HS3ST4: variants seen among roughly 807,000 people sequenced by gnomAD.
HS3ST4 encodes the protein heparan sulfate glucosamine 3-O-sulfotransferase 4.
HS3ST4 carries 17 observed loss-of-function variants against 29.2 expected under a neutral mutation model. The ratio of observed to expected loss-of-function variants is 0.58; its 90% CI spans 0.40 to 0.87. The LOEUF (loss-of-function observed/expected upper bound fraction) is 0.87. Ranked by LOEUF, HS3ST4 falls within the 40% of genes least tolerant of loss-of-function variation. The probability of loss-of-function intolerance (pLI) is 0.00; values close to 1 mark genes in which losing one functional copy is unlikely to be tolerated. For missense variants in HS3ST4, 627 were observed against 634.5 expected, an observed-to-expected ratio of 0.99 and a Z score of 0.13; for synonymous variants, 314 against 285.7, an observed-to-expected ratio of 1.10 and a Z score of -1.00.
At chr16:26,094,246 T>A (rs1165723445) in intron 1 of HS3ST4, among the ~76,000 whole-genome samples, 2 of 152,058 alleles carry the variant, frequency 1.3e-5, no homozygotes, top group African/African-American at 4.8e-5. Flanking sequence ...AACATTCAAA[T>A]TCAGGAAATG....
intron 1 of HS3ST4, among the ~76,000 whole-genome samples, chr16:26,045,681 C>T (rs762714031): frequency 1.3e-5 from 2 of 152,120 alleles, no homozygotes; most frequent in South Asian, 2.1e-4. Flanking sequence ...TTTTTTGGTA[C>T]ATCCGACACC....
intron 1 of HS3ST4, among the ~76,000 whole-genome samples, chr16:25,855,058 G>A (rs1013659118): frequency 1.3e-5 from 2 of 152,136 alleles, no homozygotes; most frequent in African/African-American, 4.8e-5. Context: ...AGTCTGGGAA[G>A]GTGGGATCTC....
At chr16:26,120,667 T>C (rs1489524430) in intron 1 of HS3ST4, among the ~76,000 whole-genome samples, 1 of 152,248 alleles carries the variant, frequency 6.6e-6, no homozygotes, top group Non-Finnish European at 1.5e-5. Context: ...CCATGTTGAC[T>C]GACGTGTTTT....
At chr16:26,113,251 C>T (rs1449381108) in intron 1 of HS3ST4, among the ~76,000 whole-genome samples, 6 of 151,970 alleles carry the variant, frequency 3.9e-5, no homozygotes, top group African/African-American at 1.5e-4. Flanking sequence ...TCAAGACCAG[C>T]CTGGCCAACA....
At chr16:25,852,037 TA>T (rs972578911) in intron 1 of HS3ST4, among the ~76,000 whole-genome samples, 4 of 152,100 alleles carry the variant, frequency 2.6e-5, no homozygotes, top group Non-Finnish European at 5.9e-5. Context: ...AGGTGACATA[TA>T]GAGGAAGTAA....
chr16:25,723,826 G>A (rs1966512494), intron 1 of HS3ST4, among the ~76,000 whole-genome samples: 1 of 152,076 alleles, frequency 6.6e-6, no homozygotes, highest in Non-Finnish European at 1.5e-5. Flanking sequence ...AAATCTACCA[G>A]CTGCTGGCTG....
At chr16:25,830,719 C>CTTTTTTT (rs749231059) in intron 1 of HS3ST4, among the ~76,000 whole-genome samples, 1 of 145,474 alleles carries the variant, frequency 6.9e-6, no homozygotes, top group African/African-American at 2.5e-5. Context: ...CAATCCATGT[C>CTTTTTTT]TTTTTTTTTT....
chr16:26,123,401 G>T (rs1899302202), intron 1 of HS3ST4, among the ~76,000 whole-genome samples: 2 of 152,104 alleles, frequency 1.3e-5, no homozygotes, highest in Non-Finnish European at 2.9e-5. Context: ...AGGCATTTGT[G>T]GGCTCTGGAA....
At chr16:26,075,018 C>A (rs573085325) in intron 1 of HS3ST4, among the ~76,000 whole-genome samples, 1 of 152,142 alleles carries the variant, frequency 6.6e-6, no homozygotes, top group South Asian at 2.1e-4. Flanking sequence ...CATGGTGAAA[C>A]CCTGTCTCTA....
At chr16:25,846,512 C>T (rs1967467328) in intron 1 of HS3ST4, among the ~76,000 whole-genome samples, 1 of 149,920 alleles carries the variant, frequency 6.7e-6, no homozygotes. Flanking sequence ...CCAGCCTGGG[C>T]AACAATGTGA....
chr16:25,768,880 C>T (rs1966837591), intron 1 of HS3ST4, among the ~76,000 whole-genome samples: 1 of 152,124 alleles, frequency 6.6e-6, no homozygotes, highest in African/African-American at 2.4e-5. Flanking sequence ...TCCCACTCAG[C>T]TGCATTGCAC....
At position 26,011,676 on chromosome 16, in the gene HS3ST4, T is replaced by TTGTG. The variant is rs375796518; in HGVS notation, c.735-123911_735-123908dup. On this transcript the variant is annotated intron_variant, in intron 1 of 1. Coordinates refer to ENST00000331351, the MANE Select transcript of HS3ST4 (RefSeq NM_006040.3). ...TGACAATGTCATAACAGGTATATGT[T>TTGTG]TGTGTGTGTGTGTGTGTGTGTGTGT... 3.5e-3 allele frequency among the ~76,000 whole-genome samples: 470 copies of TTGTG among 133,410 alleles called. 5 individuals carry two copies. Among genetic ancestry groups the TTGTG allele is most frequent in the Admixed American group, 5.0e-3 (67 of 13,450 alleles). The allele number at this position is 133,410 out of a possible 152,430, so 87.5% of individuals were successfully genotyped here.
chr16:25,992,259 A>G (rs1235066522), intron 1 of HS3ST4, among the ~76,000 whole-genome samples: 1 of 152,230 alleles, frequency 6.6e-6, no homozygotes, highest in Non-Finnish European at 1.5e-5. Context: ...AATGGAAGTT[A>G]TTCGGAAACT....
At chr16:26,072,060 C>T (rs763336066) in intron 1 of HS3ST4, among the ~76,000 whole-genome samples, 18 of 152,126 alleles carry the variant, frequency 1.2e-4, no homozygotes, top group Non-Finnish European at 2.6e-4. Flanking sequence ...GATCATTACA[C>T]ATGAAGGGGA....
intron 1 of HS3ST4, among the ~76,000 whole-genome samples, chr16:25,914,039 T>C (rs1030561575): frequency 2.1e-5 from 3 of 146,284 alleles, no homozygotes; most frequent in African/African-American, 7.9e-5. Context: ...AGCATGTGTA[T>C]GTGTGTGTGG....
At chr16:25,728,303 A>AT (rs1334969511) in intron 1 of HS3ST4, among the ~76,000 whole-genome samples, 5 of 152,024 alleles carry the variant, frequency 3.3e-5, no homozygotes, top group Non-Finnish European at 7.4e-5. Flanking sequence ...CCTGGCCTGT[A>AT]TTTTTTCAGT....
At chr16:26,053,443 G>A (rs1207451959) in intron 1 of HS3ST4, among the ~76,000 whole-genome samples, 2 of 152,108 alleles carry the variant, frequency 1.3e-5, no homozygotes, top group Admixed American at 6.5e-5. Context: ...AAGATCTGAG[G>A]AAAAAAGCAG....
At chr16:26,017,102 C>G (rs1389917308) in intron 1 of HS3ST4, among the ~76,000 whole-genome samples, 1 of 152,232 alleles carries the variant, frequency 6.6e-6, no homozygotes, top group Admixed American at 6.5e-5. Context: ...CAAACACTTG[C>G]ATTCAGCAAC....
At chr16:26,088,402 G>A (rs1269091206) in intron 1 of HS3ST4, among the ~76,000 whole-genome samples, 1 of 152,150 alleles carries the variant, frequency 6.6e-6, no homozygotes, top group African/African-American at 2.4e-5. Context: ...TGCTTGAATT[G>A]GTTGTTTGGC....
Sources: allele counts gnomAD v4.1 joint callset (sites outside exome capture counted in the v4.1 genomes callset), GRCh38; gene constraint gnomAD v4.1.1; transcripts MANE v1.5; gene names NCBI Gene and HGNC (gene_info 2026-07-23, HGNC 2026-07-21).